The following C8orf34 variants were observed in gnomAD, a reference collection of about 807,000 sequenced individuals.
The protein encoded by C8orf34 is uncharacterized protein C8orf34.
C8orf34 carries 65 observed loss-of-function variants against 68.3 expected under a neutral mutation model. The ratio of observed to expected loss-of-function variants is 0.95; its 90% CI spans 0.78 to 1.17. The LOEUF is 1.17. C8orf34 is among the 50% of genes most tolerant of loss of function. The pLI is 0.00. For synonymous variants in C8orf34, 244 were observed against 241.2 expected, an observed-to-expected ratio of 1.01 and a Z score of -0.11; for missense variants, 664 against 655.4, an observed-to-expected ratio of 1.01 and a Z score of -0.14.
intron 12 of C8orf34, among the ~76,000 whole-genome samples, chr8:68,797,542 T>A (rs79571367): frequency 6.8e-6 from 1 of 148,000 alleles, no homozygotes; most frequent in African/African-American, 2.5e-5. Context: ...TTTTCACCTT[T>A]AAAAAAAAAA....
intron 2 of C8orf34, among the ~76,000 whole-genome samples, chr8:68,440,831 G>A (rs1326015978): frequency 6.7e-6 from 1 of 149,712 alleles, no homozygotes; most frequent in Admixed American, 6.6e-5. Flanking sequence ...TTGAGATGGA[G>A]TCTTGCTCTG....
rs149877556 is a variant in C8orf34 at position 68,429,214 on chromosome 8, A to G, written c.328-10285A>G. Among the ~76,000 whole-genome samples the G allele has an allele frequency of 9.9e-3, 1,502 of 152,270 alleles. 22 individuals are homozygous for G. The highest frequency in any genetic ancestry group is 0.034 in the African/African-American group (1,433 of 41,566). Reference sequence around the variant, plus strand: ...CTTCAACAGACCATTATGAAAAAGAAAGGCATTAAGTAGAAAAATGGCAAA... The same window carrying G: ...CTTCAACAGACCATTATGAAAAAGAGAGGCATTAAGTAGAAAAATGGCAAA... On this transcript the variant is annotated intron_variant, in intron 1 of 13. Transcript: ENST00000518698.
At chr8:68,454,641 TTTTC>T (rs1811474804) in intron 3 of C8orf34, among the ~76,000 whole-genome samples, 3 of 152,040 alleles carry the variant, frequency 2.0e-5, no homozygotes, top group Admixed American at 6.5e-5. Context: ...TGAGTTTTCT[TTTTC>T]AATCAATCTA....
intron 8 of C8orf34, among the ~76,000 whole-genome samples, chr8:68,653,055 C>A (rs1316671376): frequency 6.6e-6 from 1 of 152,054 alleles, no homozygotes; most frequent in Non-Finnish European, 1.5e-5. Flanking sequence ...ATCTTTATTT[C>A]TGACAAAATA....
chr8:68,377,003 G>A lies in C8orf34; in HGVS notation c.327+45664G>A, dbSNP rs1459125763. Among the ~76,000 whole-genome samples the A allele has an allele frequency of 5.3e-5, 8 of 152,160 alleles. 1 individual carries two copies. Among genetic ancestry groups the A allele is most frequent in the African/African-American group, 1.9e-4 (8 of 41,434 alleles). On this transcript the variant is annotated intron_variant, in intron 1 of 13. Coordinates refer to ENST00000518698, the MANE Select transcript of C8orf34 (RefSeq NM_052958.4). ...GAGCAACGGATGCAGGAAATACACT[G>A]TTTAGTTTTGTTTTGTTTTTGTTTA...
rs773047422 is a variant in C8orf34, at chr8:68,521,938, A to G, written c.905A>G (p.Glu302Gly). The G allele has an allele frequency of 2.6e-5, 42 of 1,614,110 alleles. No homozygotes were observed. Among genetic ancestry groups the G allele is most frequent in the Non-Finnish European group, 3.3e-5 (39 of 1,180,004 alleles). The change falls in exon 6 of 14, where the codon GAA becomes GGA. Residue 302 changes from glutamate to glycine, a missense_variant. Transcript: ENST00000518698. ...CCAAGAAGCAAAAATGACCAATGGGAAAGTGAAGATAGTGGCTCTAGTCCT... is the reference window on the plus strand; with the variant it reads ...CCAAGAAGCAAAAATGACCAATGGGGAAGTGAAGATAGTGGCTCTAGTCCT... ...PIPRSKNDQW[E>G]SEDSGSSPAG... is the part of the protein sequence containing the mutation.
chr8:68,539,431 A>C (rs1306096611), intron 7 of C8orf34, among the ~76,000 whole-genome samples: 4 of 152,268 alleles, frequency 2.6e-5, no homozygotes, highest in African/African-American at 9.6e-5. Context: ...CAGATATTAA[A>C]GAAGCATTAA....
intron 2 of C8orf34, among the ~76,000 whole-genome samples, chr8:68,442,497 A>G (rs1163795659): frequency 6.6e-6 from 1 of 152,074 alleles, no homozygotes; most frequent in Non-Finnish European, 1.5e-5. Context: ...AAAGGAGTTG[A>G]GGGTATTTGT....
chr8:68,738,990 C>CA (rs1200376413), intron 10 of C8orf34, among the ~76,000 whole-genome samples: 2 of 151,342 alleles, frequency 1.3e-5, no homozygotes, highest in East Asian at 1.9e-4. Context: ...AAAAAGAAAG[C>CA]AAAAAAAGAA....
chr8:68,783,652 A>G (rs1823758816), intron 11 of C8orf34, among the ~76,000 whole-genome samples: 1 of 151,936 alleles, frequency 6.6e-6, no homozygotes, highest in Non-Finnish European at 1.5e-5. Context: ...TCCCTACTTC[A>G]AGCTGGAGCT....
At chr8:68,539,374 A>C (rs1815614375) in intron 7 of C8orf34, among the ~76,000 whole-genome samples, 1 of 152,182 alleles carries the variant, frequency 6.6e-6, no homozygotes, top group Non-Finnish European at 1.5e-5. Flanking sequence ...ATGTGCAAAG[A>C]AGTGTAATTA....
At chr8:68,340,752 A>G (rs1806036493) in intron 1 of C8orf34, among the ~76,000 whole-genome samples, 1 of 152,218 alleles carries the variant, frequency 6.6e-6, no homozygotes, top group Non-Finnish European at 1.5e-5. Flanking sequence ...CTAATTCTAT[A>G]CACTGTCTTC....
At chr8:68,349,771 G>T (rs1028571664) in intron 1 of C8orf34, among the ~76,000 whole-genome samples, 21 of 151,532 alleles carry the variant, frequency 1.4e-4, no homozygotes, top group African/African-American at 3.4e-4. Context: ...AATAGTTTCT[G>T]ATGGTTGTTT....
intron 1 of C8orf34, among the ~76,000 whole-genome samples, chr8:68,404,591 A>T (rs1402388824): frequency 6.6e-6 from 1 of 152,188 alleles, no homozygotes; most frequent in Non-Finnish European, 1.5e-5. Flanking sequence ...TTTTCTGCAT[A>T]TGACTAGCCA....
At chr8:68,332,697 G>GT (rs1208247106) in intron 1 of C8orf34, among the ~76,000 whole-genome samples, 1 of 152,066 alleles carries the variant, frequency 6.6e-6, no homozygotes, top group Non-Finnish European at 1.5e-5. Flanking sequence ...GATCTCCTAA[G>GT]TTTTTTTGCC....
Position 68,703,979 on chromosome 8 carries a change from C to T in C8orf34, c.1242-5015C>T, listed in dbSNP as rs539055935. 7.9e-4 allele frequency among the ~76,000 whole-genome samples: 120 copies of T among 152,194 alleles called. 1 individual carries two copies. The highest frequency in any genetic ancestry group is 2.8e-3 in the African/African-American group (116 of 41,528). On this transcript the variant is annotated intron_variant, in intron 8 of 13. Transcript: ENST00000518698. ...TATACTATAGTATTCTATACAAAAT[C>T]CCCAATATAGGGCTGGGCCATATTT...
At chr8:68,470,922 A>T (rs146849968) in intron 4 of C8orf34, among the ~76,000 whole-genome samples, 1 of 152,252 alleles carries the variant, frequency 6.6e-6, no homozygotes, top group African/African-American at 2.4e-5. Flanking sequence ...CAACATTCAG[A>T]TCATAACACA....
chr8:68,690,032 A>C (rs1267785058), intron 8 of C8orf34, among the ~76,000 whole-genome samples: 2 of 152,048 alleles, frequency 1.3e-5, no homozygotes, highest in South Asian at 2.1e-4. Context: ...CACATTTTCC[A>C]AATTTATCAT....
intron 10 of C8orf34, among the ~76,000 whole-genome samples, chr8:68,763,268 A>G (rs185554116): frequency 6.6e-6 from 1 of 152,288 alleles, no homozygotes; most frequent in Admixed American, 6.5e-5. Flanking sequence ...CAAGCAGGTA[A>G]TTTCACATCC....
Sources: gnomAD v4.1 joint callset for allele counts (sites outside exome capture counted in the v4.1 genomes callset) on GRCh38, gnomAD v4.1.1 for gene constraint, MANE v1.5 for transcripts, NCBI Gene and HGNC (gene_info 2026-07-23, HGNC 2026-07-21) for gene names.